The following NACC2 variants were observed in gnomAD, a reference collection of about 807,000 sequenced individuals.
NACC2 encodes NACC family member 2, also known as nucleus accumbens-associated protein 2.
A neutral mutation model predicts 25.1 loss-of-function variants in NACC2; 8 were observed. The observed-to-expected ratio is 0.32, with a 90% CI of 0.19 to 0.57. The LOEUF (loss-of-function observed/expected upper bound fraction) is 0.57. Ranked by LOEUF, NACC2 falls within the 20% of genes least tolerant of loss-of-function variation. NACC2 has a pLI of 0.89. For missense variants in NACC2, 644 were observed against 650.2 expected, an observed-to-expected ratio of 0.99 and a Z score of 0.10; for synonymous variants, 435 against 294.7, an observed-to-expected ratio of 1.48 and a Z score of -4.88.
intron 1 of NACC2, among the ~76,000 whole-genome samples, chr9:136,091,436 A>G (rs1450224748): frequency 6.6e-6 from 1 of 152,190 alleles, no homozygotes; most frequent in Non-Finnish European, 1.5e-5. Context: ...CCCAGCAAGC[A>G]GACACTGGGG....
At chr9:136,081,026 G>T (rs1588583338) in intron 1 of NACC2, among the ~76,000 whole-genome samples, 1 of 152,324 alleles carries the variant, frequency 6.6e-6, no homozygotes, top group East Asian at 1.9e-4. Context: ...GGAGGAGGAA[G>T]TTTTCATCCC....
intron 1 of NACC2, among the ~76,000 whole-genome samples, chr9:136,090,386 G>A (rs2131192801): frequency 6.6e-6 from 1 of 152,356 alleles, no homozygotes; most frequent in South Asian, 2.1e-4. Flanking sequence ...CCTGACTCTA[G>A]GCAGTGCCCA....
chr9:136,021,628 T>C (rs1840295643), intron 2 of NACC2, among the ~76,000 whole-genome samples: 2 of 152,196 alleles, frequency 1.3e-5, no homozygotes, highest in Admixed American at 1.3e-4. Flanking sequence ...AATGGGAGTT[T>C]ATCTCCAAAG....
At chr9:136,070,046 T>G (rs558840904) in intron 1 of NACC2, among the ~76,000 whole-genome samples, 124 of 152,026 alleles carry the variant, frequency 8.2e-4, no homozygotes, top group Non-Finnish European at 1.5e-3. Context: ...GACAATATTC[T>G]GGGCCAGAAA....
rs1426835435 is a variant in NACC2, at chr9:136,019,404, C to T, written c.887-2975G>A. ...CGGTCACACTGAGGTCCCTCCTGAG[C>T]CTGGGTCTCGGGTACTGGGGGACCC... On this transcript the variant is annotated intron_variant, in intron 2 of 5. Transcript: ENST00000277554. This position sits in a 1 kb window ranked among gnomAD's most constrained non-coding sequence, Gnocchi z 5.2. 6.6e-6 allele frequency: 1 copy of T among 152,220 alleles called. No homozygotes were observed. The highest frequency in any genetic ancestry group is 2.4e-5 in the African/African-American group (1 of 41,444). 9.4% of individuals were successfully genotyped at this position (152,220 alleles called of 1,614,324 possible).
chr9:136,080,212 C>T (rs1184343634), intron 1 of NACC2, among the ~76,000 whole-genome samples: 1 of 152,208 alleles, frequency 6.6e-6, no homozygotes, highest in East Asian at 1.9e-4. Flanking sequence ...GGTGCCAGAG[C>T]GGTACTGCAC....
At chr9:136,039,656 G>T (rs1440729532) in intron 2 of NACC2, among the ~76,000 whole-genome samples, 1 of 151,988 alleles carries the variant, frequency 6.6e-6, no homozygotes, top group Non-Finnish European at 1.5e-5. Flanking sequence ...TCCCAGGAAT[G>T]CAAGGGTGGT....
At chr9:136,042,945 G>GAC (rs1332897945) in intron 2 of NACC2, among the ~76,000 whole-genome samples, 1 of 142,184 alleles carries the variant, frequency 7.0e-6, no homozygotes, top group South Asian at 2.3e-4. Context: ...GAGACAGACA[G>GAC]ACACACACAG....
At position 136,055,695 on chromosome 9, in the gene NACC2, A is replaced by T. The variant is rs895505537; in HGVS notation, c.-59-5115T>A. ...TGCAGGATTTAATTTCACCAATCTAATAAGAGGTTCTGGACCTCAGCAAAT... is the reference window on the plus strand; with the variant it reads ...TGCAGGATTTAATTTCACCAATCTATTAAGAGGTTCTGGACCTCAGCAAAT... On this transcript the variant is annotated intron_variant, in intron 1 of 5. Transcript: ENST00000277554. The surrounding 1 kb of genome is among the most constrained non-coding windows in gnomAD (Gnocchi z 4.9). Among the ~76,000 whole-genome samples, 33 of 152,326 alleles carry T rather than the reference A, an allele frequency of 2.2e-4. No homozygotes were observed. The highest frequency in any genetic ancestry group is 7.5e-4 in the African/African-American group (31 of 41,578).
At chr9:136,089,272 G>A (rs1375175848) in intron 1 of NACC2, among the ~76,000 whole-genome samples, 1 of 152,054 alleles carries the variant, frequency 6.6e-6, no homozygotes, top group African/African-American at 2.4e-5. Context: ...CAGGGCCCAG[G>A]GCCTCAAAGG....
chr9:136,050,312 G>T lies in NACC2; in HGVS notation c.210C>A (p.Pro70=). 1.3e-6 allele frequency: 1 copy of T among 740,744 alleles called. No individual in the cohort carries two copies. Among genetic ancestry groups the T allele is most frequent in the Non-Finnish European group, 2.5e-6 (1 of 402,608 alleles). 45.9% of individuals were successfully genotyped at this position (740,744 alleles called of 1,614,324 possible). ...SGNSKSAFEL[P]GSVPPACFQQ... is the part of the protein sequence containing the mutation. ...GGAAGCAGGCGGGCGGCACGGAGCC[G>T]GGCAGCTCGAAGGCGCTCTTGCTGT... The change falls in exon 2 of 6, where the codon CCC becomes CCA. Residue 70 remains proline, a synonymous_variant. Coordinates refer to ENST00000277554, the MANE Select transcript of NACC2 (RefSeq NM_144653.5).
intron 1 of NACC2, among the ~76,000 whole-genome samples, chr9:136,052,836 G>A (rs1840867846): frequency 6.6e-6 from 1 of 152,258 alleles, no homozygotes; most frequent in East Asian, 1.9e-4. Context: ...CTGTTATTGA[G>A]CCTTTTCCTG....
chr9:136,016,989 G>A (rs1031279937), intron 2 of NACC2, among the ~76,000 whole-genome samples: 5 of 152,126 alleles, frequency 3.3e-5, no homozygotes, highest in African/African-American at 1.2e-4. Flanking sequence ...GGGGCAGTGG[G>A]GCATGGCCAC....
At chr9:136,094,451 G>A (rs1307788780) in intron 1 of NACC2, among the ~76,000 whole-genome samples, 4 of 152,208 alleles carry the variant, frequency 2.6e-5, no homozygotes, top group African/African-American at 9.6e-5. Flanking sequence ...CCGTCGGAAG[G>A]CCTCGGTCCG....
chr9:136,075,960 A>T (rs1482864756), intron 1 of NACC2, among the ~76,000 whole-genome samples: 1 of 151,814 alleles, frequency 6.6e-6, no homozygotes, highest in African/African-American at 2.4e-5. Context: ...GCTGCTGCCC[A>T]CTCCTCTGCT....
intron 5 of NACC2, among the ~76,000 whole-genome samples, chr9:136,012,596 G>C (rs1475817892): frequency 6.6e-6 from 1 of 151,222 alleles, no homozygotes; most frequent in Non-Finnish European, 1.5e-5. Context: ...CTTGGGGACT[G>C]TAATTCCTGG....
At chr9:136,069,396 A>C (rs1841124052) in intron 1 of NACC2, among the ~76,000 whole-genome samples, 1 of 151,334 alleles carries the variant, frequency 6.6e-6, no homozygotes, top group African/African-American at 2.5e-5. Flanking sequence ...TAAAAATACA[A>C]AAATTAGCCG....
In NACC2 at chr9:136,011,942, G is replaced by A. The variant is rs751344427; in HGVS notation, c.1338C>T (p.Arg446=). Residue 446 remains arginine (R), a synonymous_variant, in exon 6 of 6, where the codon CGC becomes CGT. Transcript: ENST00000277554. ...IAADMCTNAR[R]VRKRWLPKIK... is the part of the protein sequence containing the mutation. ...TCTTGGGCAGCCAGCGCTTGCGAACGCGGCGGGCGTTGGTGCACATGTCCG... is the reference window on the plus strand; with the variant it reads ...TCTTGGGCAGCCAGCGCTTGCGAACACGGCGGGCGTTGGTGCACATGTCCG... 1.4e-5 allele frequency: 23 copies of A among 1,603,884 alleles called. No individual in the cohort carries two copies. The highest frequency in any genetic ancestry group is 1.6e-4 in the Middle Eastern group (1 of 6,074).
At chr9:136,049,517 G>A in intron 2 of NACC2, 119 bp downstream of exon 2, 1 of 613,924 alleles carries the variant, frequency 1.6e-6, no homozygotes, top group Non-Finnish European at 2.9e-6. Flanking sequence ...TCCAGGCTTG[G>A]TGGGGGGCTC....
Sources: gnomAD v4.1 joint callset for allele counts (sites outside exome capture counted in the v4.1 genomes callset) on GRCh38, gnomAD v4.1.1 for gene constraint, Gnocchi (gnomAD v3.1) non-coding constraint, MANE v1.5 for transcripts, NCBI Gene and HGNC (gene_info 2026-07-23, HGNC 2026-07-21) for gene names.